Variants in LRRC57 observed in about 807,000 individuals in gnomAD.
LRRC57 encodes the protein leucine-rich repeat-containing protein 57.
In LRRC57, 14 loss-of-function variants were observed where a neutral mutation model predicts 23.1. That is an observed-to-expected ratio of 0.61 (90% CI 0.40 to 0.95). The LOEUF (loss-of-function observed/expected upper bound fraction) is 0.95, where lower values mean the gene tolerates loss of function less well. Ranked by LOEUF, LRRC57 falls within the 40% of genes least tolerant of loss-of-function variation. The probability of loss-of-function intolerance (pLI) is 0.00; values close to 1 mark genes in which losing one functional copy is unlikely to be tolerated. For synonymous variants in LRRC57, 106 were observed against 115.2 expected (o/e 0.92, Z 0.51); for missense variants, 236 against 284.4 (o/e 0.83, Z 1.22).
In LRRC57 at chr15:42,540,662, A is replaced by C. The variant is rs2057624160; in HGVS notation, c.*3421T>G. The C allele has an allele frequency of 6.6e-6, 1 of 152,248 alleles. No homozygotes were observed. The highest frequency in any genetic ancestry group is 1.5e-5 in the Non-Finnish European group (1 of 68,052). The allele number at this position is 152,248 out of a possible 1,614,324, so 9.4% of individuals were successfully genotyped here. ...CTAGGCCCAAATTGTGAAGGGTGGT[A>C]GTTGTGGATTCTGATAAGAGTGTGG... is the stretch of plus-strand genomic sequence containing the variant. On this transcript the variant is annotated 3_prime_UTR_variant, in exon 6 of 6. Coordinates refer to ENST00000397130, the MANE Select transcript of LRRC57 (RefSeq NM_153260.3).
chr15:42,548,314 C>T (rs747963891), intron 2 of LRRC57, 37 bp downstream of exon 2: 14 of 1,613,958 alleles, frequency 8.7e-6, no homozygotes, highest in African/African-American at 5.3e-5. Context: ...CGTCCCTCTC[C>T]CTTTAAGTTC....
At chr15:42,533,803 A>G (rs1241875120), downstream of LRRC57, among the ~76,000 whole-genome samples, 2 of 152,258 alleles carry the variant, frequency 1.3e-5, no homozygotes, top group Non-Finnish European at 2.9e-5. Flanking sequence ...TAGTATTGCA[A>G]TGAAGTGAGG....
chr15:42,545,057 A>G lies in LRRC57; in HGVS notation c.678+20T>C, dbSNP rs753733118. On this transcript the variant is annotated intron_variant, in intron 5 of 5. Coordinates refer to ENST00000397130, the MANE Select transcript of LRRC57 (RefSeq NM_153260.3). The stretch of plus-strand genomic sequence containing the variant: ...TCTCTGGGGTAGTGACTAGAAATGC[A>G]GAAGTACATTAATTCATACCTTATC... The G allele has an allele frequency of 6.5e-7, 1 of 1,536,324 alleles. No homozygotes were observed. Among genetic ancestry groups the G allele is most frequent in the Non-Finnish European group, 8.8e-7 (1 of 1,136,200 alleles).
chr15:42,548,451 A>C lies in LRRC57; in HGVS notation c.-17T>G. On this transcript the variant is annotated 5_prime_UTR_variant, in exon 2 of 6. Coordinates refer to ENST00000397130, the MANE Select transcript of LRRC57 (RefSeq NM_153260.3). ...GTTTCCCATCCTAGCGCCGCGGCTC[A>C]GGTCCCTGCGGGAAGGAAGCGCTGC... 1 of 1,612,506 alleles carries C rather than the reference A, an allele frequency of 6.2e-7. No homozygotes were observed. The highest frequency in any genetic ancestry group is 8.5e-7 in the Non-Finnish European group (1 of 1,179,848).
At chr15:42,547,670 T>G in intron 3 of LRRC57, 141 bp from the exon 4 acceptor site, 3 of 751,024 alleles carry the variant, frequency 4.0e-6, no homozygotes, top group South Asian at 3.7e-5. Flanking sequence ...TTTTAGATAT[T>G]GCATTTTACC....
chr15:42,548,055 C>T (rs1322797300), intron 3 of LRRC57, 51 bp downstream of exon 3: 3 of 1,600,158 alleles, frequency 1.9e-6, no homozygotes, highest in Non-Finnish European at 2.6e-6. Flanking sequence ...GAGAAAACCA[C>T]CCCTGGTAAC....
At chr15:42,534,494 G>T (rs768903695), downstream of LRRC57, among the ~76,000 whole-genome samples, 1 of 152,196 alleles carries the variant, frequency 6.6e-6, no homozygotes, top group Non-Finnish European at 1.5e-5. Context: ...TTCCAAACCC[G>T]TGTTAATGTT....
intron 5 of LRRC57, among the ~76,000 whole-genome samples, chr15:42,544,455 T>C (rs931470460): frequency 1.3e-5 from 2 of 151,954 alleles, no homozygotes; most frequent in Non-Finnish European, 2.9e-5. Context: ...GGAGGATCAC[T>C]TGAGCTGAGA....
At position 42,547,396 on chromosome 15, in the gene LRRC57, T is replaced by G. The variant is rs148009854; in HGVS notation, c.357A>C (p.Gln119His). The G allele has an allele frequency of 6.2e-6, 10 of 1,614,050 alleles. No individual in the cohort carries two copies. The highest frequency in any genetic ancestry group is 1.7e-5 in the Admixed American group (1 of 59,990). Reference sequence around the variant, plus strand: ...AAAGTTGGGGAGGTAATGCTCCCAGTTGGTTCCCAGAGAGGCTCAGGGTCT... The same window carrying G: ...AAAGTTGGGGAGGTAATGCTCCCAGGTGGTTCCCAGAGAGGCTCAGGGTCT... ...ALKTLSLSGN[Q>H]LGALPPQLCS... The change falls in exon 4 of 6, where the codon CAA becomes CAC. Residue 119 changes from glutamine to histidine, a missense_variant. Coordinates refer to ENST00000397130, the MANE Select transcript of LRRC57 (RefSeq NM_153260.3).
downstream of LRRC57, among the ~76,000 whole-genome samples, chr15:42,535,660 C>T (rs1442053298): frequency 6.6e-6 from 1 of 152,082 alleles, no homozygotes; most frequent in African/African-American, 2.4e-5. Context: ...GTGATCCGCC[C>T]ACCTCGGCCT....
At position 42,548,698 on chromosome 15, in the gene LRRC57, A is replaced by G. The variant is rs563140709; in HGVS notation, c.-28T>C. The G allele has an allele frequency of 7.3e-4, 456 of 627,320 alleles. 1 individual carries two copies. Among genetic ancestry groups the G allele is most frequent in the Non-Finnish European group, 1.2e-3 (423 of 361,842 alleles). The allele number at this position is 627,320 out of a possible 1,614,324, so 38.9% of individuals were successfully genotyped here. On this transcript the variant is annotated 5_prime_UTR_variant, in exon 1 of 6. Coordinates refer to ENST00000397130, the MANE Select transcript of LRRC57 (RefSeq NM_153260.3). ...TCAGGGAGCCCCGGACTCGCCTCCC[A>G]CCGCTCAGCTGCCGTAAGGCTCCGC...
In LRRC57 at chr15:42,548,699, C is replaced by T. The variant is rs2057681148; in HGVS notation, c.-29G>A. ...CAGGGAGCCCCGGACTCGCCTCCCA[C>T]CGCTCAGCTGCCGTAAGGCTCCGCA... On this transcript the variant is annotated 5_prime_UTR_variant, in exon 1 of 6. In the 5' UTR this introduces an upstream ATG that the reference lacks. Transcript: ENST00000397130. 3.2e-6 allele frequency: 2 copies of T among 627,926 alleles called. No individual in the cohort carries two copies. The highest frequency in any genetic ancestry group is 3.7e-5 in the African/African-American group (2 of 54,378). The allele number at this position is 627,926 out of a possible 1,614,324, so 38.9% of individuals were successfully genotyped here. A position where few individuals can be genotyped will look rare whatever the true frequency, so the allele number is the denominator to read the frequency against.
intron 2 of LRRC57, 30 bp from the exon 3 acceptor site, chr15:42,548,274 T>A: frequency 6.2e-7 from 1 of 1,613,958 alleles, no homozygotes; most frequent in Non-Finnish European, 8.5e-7. Flanking sequence ...GCGTGGGGAA[T>A]CCCGCACCGA....
At chr15:42,545,514 A>C (rs571133576) in intron 4 of LRRC57, 2 of 273,600 alleles carry the variant, frequency 7.3e-6, no homozygotes, top group African/African-American at 2.2e-5. Context: ...AAATTTTCTG[A>C]TGATAAAAGC....
In LRRC57 at chr15:42,542,885, C is replaced by G. The variant is rs1184193504; in HGVS notation, c.*1198G>C. 6.6e-6 allele frequency: 1 copy of G among 152,266 alleles called. No individual in the cohort carries two copies. Among genetic ancestry groups the G allele is most frequent in the South Asian group, 2.1e-4 (1 of 4,828 alleles). The allele number at this position is 152,266 out of a possible 1,614,324, so 9.4% of individuals were successfully genotyped here. On this transcript the variant is annotated 3_prime_UTR_variant, in exon 6 of 6. Transcript: ENST00000397130. ...CAAAGCACACTTTTTTTTTGTTTCC[C>G]CCGAGACAGAGTCTTGCTCTGTTGC... is the stretch of plus-strand genomic sequence containing the variant.
the LRRC57 span, among the ~76,000 whole-genome samples, chr15:42,529,458 GTTTC>G: frequency 1.3e-5 from 2 of 152,122 alleles, no homozygotes; most frequent in Admixed American, 6.5e-5. Context: ...CTGTTTCAGA[GTTTC>G]TTTCTTTTCT....
At chr15:42,547,888 C>T (rs1302332264) in intron 3 of LRRC57, 2 of 570,884 alleles carry the variant, frequency 3.5e-6, no homozygotes, top group African/African-American at 3.8e-5. Flanking sequence ...CTTTCAAGTC[C>T]AAATTAACCC....
chr15:42,547,912 A>AT lies in LRRC57; in HGVS notation c.223+193dup, dbSNP rs2141582889. On this transcript the variant is annotated intron_variant, in intron 3 of 5. Transcript: ENST00000397130. ...CCAAATTAACCCAGTAACAATCATTATAACACCCAATCATTATAAGGCTTA... is the reference window on the plus strand; with the variant it reads ...CCAAATTAACCCAGTAACAATCATTATTAACACCCAATCATTATAAGGCTTA... 4 of 606,402 alleles carry AT rather than the reference A, an allele frequency of 6.6e-6. No individual in the cohort carries two copies. In the East Asian group the frequency reaches 8.4e-5, roughly 13 times the overall value. The allele number at this position is 606,402 out of a possible 1,614,324, so 37.6% of individuals were successfully genotyped here.
chr15:42,545,240 A>AC lies in LRRC57; in HGVS notation c.514_515insG (p.Ile172SerfsTer8), dbSNP rs1189466577. 1 of 1,585,172 alleles carries AC rather than the reference A, an allele frequency of 6.3e-7. No homozygotes were observed. The highest frequency in any genetic ancestry group is 8.5e-7 in the Non-Finnish European group (1 of 1,169,674). On this transcript the variant is annotated frameshift_variant, in exon 5 of 6. Coordinates refer to ENST00000397130, the MANE Select transcript of LRRC57 (RefSeq NM_153260.3). LOFTEE classifies it high-confidence loss of function. ...AATTTTAAGGCGTGGACAGCAAGAT[A>AC]TCTTCACTGAGATCTGAGATATCTA...
Sources: gnomAD v4.1 joint callset for allele counts (sites outside exome capture counted in the v4.1 genomes callset) on GRCh38, gnomAD v4.1.1 for gene constraint, MANE v1.5 for transcripts, NCBI Gene and HGNC (gene_info 2026-07-23, HGNC 2026-07-21) for gene names.